The following ZC4H2 variants were observed in gnomAD, a reference collection of about 807,000 sequenced individuals.
ZC4H2 encodes the protein zinc finger C4H2-type containing, also known as zinc finger C4H2 domain-containing protein.
For synonymous variants in ZC4H2, 84 were observed against 66.3 expected (o/e 1.27, Z -1.30); for missense variants, 137 against 173.9 (o/e 0.79, Z 1.19).
intron 1 of ZC4H2, among the ~76,000 whole-genome samples, chrX:65,032,801 G>A (rs1285782079): frequency 9.4e-5 from 9 of 95,608 alleles, no homozygotes; most frequent in African/African-American, 3.6e-4. Flanking sequence ...TTTGGGGGAC[G>A]GAGTCTTGTT....
At chrX:65,022,455 G>T (rs530342733) in intron 1 of ZC4H2, among the ~76,000 whole-genome samples, 4 of 111,713 alleles carry the variant, frequency 3.6e-5, no homozygotes, top group African/African-American at 1.3e-4. Context: ...TGCAGAAAAG[G>T]TCTTTGACAA....
chrX:64,925,353 C>A (rs1402892083), intron 1 of ZC4H2, among the ~76,000 whole-genome samples: 1 of 112,176 alleles, frequency 8.9e-6, no homozygotes, highest in East Asian at 2.8e-4. Context: ...GAAGCCCAAA[C>A]CTCAATATTA....
At chrX:64,987,396 T>C (rs1178920258) in intron 1 of ZC4H2, among the ~76,000 whole-genome samples, 4 of 108,299 alleles carry the variant, frequency 3.7e-5, no homozygotes, top group African/African-American at 1.3e-4. Flanking sequence ...GGAAAAGACA[T>C]GGATCAATGG....
At chrX:64,978,635 G>A (rs964701380), upstream of ZC4H2, among the ~76,000 whole-genome samples, 3 of 111,810 alleles carry the variant, frequency 2.7e-5, no homozygotes, top group Admixed American at 9.5e-5. Flanking sequence ...GACTCAGATA[G>A]GGAAAGTTGT....
At chrX:64,988,518 C>A (rs1932239648) in intron 1 of ZC4H2, among the ~76,000 whole-genome samples, 1 of 111,545 alleles carries the variant, frequency 9.0e-6, no homozygotes, top group African/African-American at 3.3e-5. Flanking sequence ...TGTCTTTTGG[C>A]TGCATAAATG....
At chrX:64,934,353 A>G (rs1929893216) in intron 1 of ZC4H2, among the ~76,000 whole-genome samples, 1 of 112,584 alleles carries the variant, frequency 8.9e-6, no homozygotes. Flanking sequence ...AAATAGTGAC[A>G]TAGGGTTATT....
intron 1 of ZC4H2, among the ~76,000 whole-genome samples, chrX:65,009,615 C>A (rs190310027): frequency 8.9e-6 from 1 of 111,956 alleles, no homozygotes; most frequent in African/African-American, 3.2e-5. Context: ...TAATGTTTCC[C>A]TGCAAAGCAA....
At chrX:65,020,566 C>T (rs762964833) in intron 1 of ZC4H2, among the ~76,000 whole-genome samples, 9 of 111,996 alleles carry the variant, frequency 8.0e-5, no homozygotes, top group Non-Finnish European at 1.5e-4. Flanking sequence ...CAACCAAAAC[C>T]AGCCACTGCA....
intron 1 of ZC4H2, among the ~76,000 whole-genome samples, chrX:64,945,856 T>C (rs1930503139): frequency 9.0e-6 from 1 of 110,998 alleles, no homozygotes. Context: ...AGTCAGAACT[T>C]CCTGGTGGCT....
chrX:64,937,301 C>T lies in ZC4H2; in HGVS notation c.54-15313G>A, dbSNP rs759351334. Reference sequence around the variant, plus strand: ...GATTCATAAAGCAAGTTCTTAGAGACCTGCAAAGAAACACAGACTCCCACA... The same window carrying T: ...GATTCATAAAGCAAGTTCTTAGAGATCTGCAAAGAAACACAGACTCCCACA... On this transcript the variant is annotated intron_variant, in intron 1 of 4. Coordinates refer to ENST00000374839, the MANE Select transcript of ZC4H2 (RefSeq NM_018684.4). Among the ~76,000 whole-genome samples, 3 of 111,045 alleles carry T rather than the reference C, an allele frequency of 2.7e-5. No individual in the cohort carries two copies. The South Asian group carries it at 1.2e-3, about 43-fold the overall frequency.
intron 1 of ZC4H2, among the ~76,000 whole-genome samples, chrX:64,953,351 C>T (rs895167260): frequency 4.5e-5 from 5 of 111,773 alleles, no homozygotes; most frequent in African/African-American, 1.3e-4. Flanking sequence ...AGCTTCTGGG[C>T]GGCAAAGGAA....
chrX:64,952,049 A>T (rs1478673790), intron 1 of ZC4H2, among the ~76,000 whole-genome samples: 2 of 110,846 alleles, frequency 1.8e-5, no homozygotes, highest in African/African-American at 3.3e-5. Flanking sequence ...ACCATTTATT[A>T]AATAGGGAAT....
chrX:65,024,715 T>TA (rs1313540051), intron 1 of ZC4H2, among the ~76,000 whole-genome samples: 1 of 112,103 alleles, frequency 8.9e-6, no homozygotes, highest in Admixed American at 9.5e-5. Flanking sequence ...TACACAGCTA[T>TA]AAAAAATGAC....
rs1929207955 is a variant in ZC4H2, at chrX:64,921,821, T to C, written c.221A>G (p.Asn74Ser). Residue 74 changes from asparagine to serine, a missense_variant, in exon 2 of 5, where the codon AAT becomes AGT. Transcript: ENST00000374839. ...EELRLIHADI[N>S]VMENTIKQSE... is the part of the protein sequence containing the mutation. ...AGGCTCCAGGCAGCCACGTACCACA[T>C]TGATGTCAGCGTGGATCAGTCGGAG... The C allele has an allele frequency of 8.3e-7, 1 of 1,210,167 alleles. No individual in the cohort carries two copies. The highest frequency in any genetic ancestry group is 2.2e-5 in the Admixed American group (1 of 45,817).
At position 64,952,113 on chromosome X, in the gene ZC4H2, A is replaced by G. The variant is rs749390553; in HGVS notation, c.53+24212T>C. Among the ~76,000 whole-genome samples the G allele has an allele frequency of 4.6e-3, 509 of 110,463 alleles. 2 individuals carry two copies. Among genetic ancestry groups the G allele is most frequent in the African/African-American group, 0.016 (471 of 30,120 alleles). On this transcript the variant is annotated intron_variant, in intron 1 of 4. Transcript: ENST00000374839. ...TTTGTCAAAGATCAGATAGTTGTAGACATGTGGCGTTATTTCTGAGGGCTC... is the reference window on the plus strand; with the variant it reads ...TTTGTCAAAGATCAGATAGTTGTAGGCATGTGGCGTTATTTCTGAGGGCTC...
intron 1 of ZC4H2, among the ~76,000 whole-genome samples, chrX:64,973,280 A>C (rs1931839970): frequency 9.1e-6 from 1 of 110,434 alleles, no homozygotes; most frequent in Non-Finnish European, 1.9e-5. Flanking sequence ...TTTTTTAAAA[A>C]TTCATATTGA....
intron 1 of ZC4H2, among the ~76,000 whole-genome samples, chrX:65,007,133 A>G (rs1171440949): frequency 9.8e-6 from 1 of 101,620 alleles, no homozygotes; most frequent in Non-Finnish European, 2.0e-5. Context: ...CTTGTTGTTC[A>G]AAAAAAAAAA....
intron 1 of ZC4H2, among the ~76,000 whole-genome samples, chrX:64,937,222 A>C (rs1204289712): frequency 9.0e-6 from 1 of 111,636 alleles, no homozygotes; most frequent in Non-Finnish European, 1.9e-5. Context: ...GGATCAATGC[A>C]ACAAGAGGAG....
intron 1 of ZC4H2, among the ~76,000 whole-genome samples, chrX:64,950,238 T>A (rs1318080418): frequency 8.9e-6 from 1 of 111,929 alleles, no homozygotes; most frequent in African/African-American, 3.3e-5. Context: ...TCTGTTCTTT[T>A]ACATTTGTGT....
Sources: gnomAD v4.1 joint callset for allele counts (sites outside exome capture counted in the v4.1 genomes callset) on GRCh38, gnomAD v4.1.1 for gene constraint, MANE v1.5 for transcripts, NCBI Gene and HGNC (gene_info 2026-07-23, HGNC 2026-07-21) for gene names.